The following TCF12 variants were observed in gnomAD, a reference collection of about 807,000 sequenced individuals.
The protein encoded by TCF12 is transcription factor 12, also known as DNA-binding protein HTF4.
A neutral mutation model predicts 86.0 loss-of-function variants in TCF12; 45 were observed. That is an observed-to-expected ratio of 0.52 (90% CI 0.41 to 0.67). TCF12 has a LOEUF of 0.67. Ranked by LOEUF, TCF12 falls within the 30% of genes least tolerant of loss-of-function variation. TCF12 has a pLI of 0.00. For synonymous variants in TCF12, 330 were observed against 299.6 expected, an observed-to-expected ratio of 1.10 and a Z score of -1.05; for missense variants, 881 against 859.9, an observed-to-expected ratio of 1.02 and a Z score of -0.31.
intron 5 of TCF12, among the ~76,000 whole-genome samples, chr15:57,126,757 G>T (rs946700767): frequency 1.3e-5 from 2 of 152,050 alleles, no homozygotes; most frequent in African/African-American, 4.8e-5. Context: ...GTCACAGTGA[G>T]GATCTCTATG....
At position 56,970,350 on chromosome 15, in the gene TCF12, C is replaced by T. The variant is rs184050948; in HGVS notation, c.148+49252C>T. ...CAAAAATTAGCTGGGCATGGTGGCG[C>T]GCACCTGTAGTCCCAGCTACTCGGG... On this transcript the variant is annotated intron_variant, in intron 3 of 20. Transcript: ENST00000333725. 4.1e-3 allele frequency among the ~76,000 whole-genome samples: 621 copies of T among 151,732 alleles called. 5 individuals carry two copies. The highest frequency in any genetic ancestry group is 0.021 in the Admixed American group (327 of 15,230).
intron 3 of TCF12, among the ~76,000 whole-genome samples, chr15:56,952,789 A>C (rs966623444): frequency 2.0e-5 from 3 of 152,174 alleles, no homozygotes; most frequent in Admixed American, 2.0e-4. Context: ...TAATCTTCAT[A>C]AATGGTCATG....
At chr15:57,101,453 T>G (rs2733196) in intron 5 of TCF12, among the ~76,000 whole-genome samples, 2,137 of 152,312 alleles carry the variant, frequency 0.014, 51 homozygotes, top group African/African-American at 0.049. Flanking sequence ...CAAGCGATCC[T>G]CCAGGCTTGG....
chr15:57,118,697 A>G (rs1421361161), intron 5 of TCF12, among the ~76,000 whole-genome samples: 2 of 152,108 alleles, frequency 1.3e-5, no homozygotes, highest in Non-Finnish European at 2.9e-5. Context: ...TAGCCAGTAT[A>G]TTTTCAGATT....
chr15:57,164,338 A>G (rs968565025), intron 5 of TCF12, among the ~76,000 whole-genome samples: 4 of 152,182 alleles, frequency 2.6e-5, no homozygotes, highest in Non-Finnish European at 4.4e-5. Flanking sequence ...TTTATAAAGG[A>G]AAGAGGTTTA....
At chr15:57,058,107 A>T (rs1596329239) in intron 3 of TCF12, among the ~76,000 whole-genome samples, 2 of 152,176 alleles carry the variant, frequency 1.3e-5, no homozygotes, top group South Asian at 4.1e-4. Flanking sequence ...CAAGTCCTCA[A>T]AATACAGTGA....
intron 3 of TCF12, among the ~76,000 whole-genome samples, chr15:57,045,170 T>C (rs1003757565): frequency 6.6e-6 from 1 of 152,216 alleles, no homozygotes; most frequent in Non-Finnish European, 1.5e-5. Flanking sequence ...GTGAGATGTG[T>C]TCCAGACACA....
At chr15:57,253,603 T>A in intron 16 of TCF12, 135 bp downstream of exon 16, 8 of 1,008,854 alleles carry the variant, frequency 7.9e-6, no homozygotes, top group Non-Finnish European at 1.2e-5. Context: ...TTTACTGTCT[T>A]TGGCAGTAAA....
At chr15:57,101,176 C>T (rs1438409495) in intron 5 of TCF12, among the ~76,000 whole-genome samples, 1 of 151,342 alleles carries the variant, frequency 6.6e-6, no homozygotes, top group Non-Finnish European at 1.5e-5. Flanking sequence ...TTTAGGGAGG[C>T]TTTTTTTGGT....
At chr15:57,045,605 G>C (rs145326529) in intron 3 of TCF12, among the ~76,000 whole-genome samples, 1 of 152,068 alleles carries the variant, frequency 6.6e-6, no homozygotes, top group Non-Finnish European at 1.5e-5. Context: ...CAGTACAATG[G>C]CATAATCATG....
intron 8 of TCF12, among the ~76,000 whole-genome samples, chr15:57,208,499 C>T (rs574663850): frequency 9.0e-4 from 133 of 147,400 alleles, no homozygotes; most frequent in Middle Eastern, 3.6e-3. Context: ...CCTCACACCT[C>T]AGCCTCCCGA....
chr15:56,925,240 G>GCCCCCCCCCC (rs11465192), intron 3 of TCF12, among the ~76,000 whole-genome samples: 6 of 136,258 alleles, frequency 4.4e-5, no homozygotes, highest in Non-Finnish European at 7.9e-5. Flanking sequence ...GGTGTCCACC[G>GCCCCCCCCCC]CCCCCCCACC....
chr15:56,951,923 C>G (rs749624219), intron 3 of TCF12, among the ~76,000 whole-genome samples: 6 of 152,160 alleles, frequency 3.9e-5, no homozygotes, highest in Non-Finnish European at 5.9e-5. Flanking sequence ...GCTGGGATTA[C>G]GGGTGCCAGC....
intron 4 of TCF12, among the ~76,000 whole-genome samples, chr15:57,084,355 A>G (rs8023736): frequency 0.24 from 35,752 of 151,994 alleles, 4,829 homozygotes; most frequent in East Asian, 0.4. Context: ...TGGTTTTACA[A>G]TGTGAGCTCT....
intron 5 of TCF12, among the ~76,000 whole-genome samples, chr15:57,144,725 A>G (rs1198860432): frequency 2.6e-5 from 4 of 152,270 alleles, no homozygotes; most frequent in Non-Finnish European, 5.9e-5. Context: ...CAGTCTCCCA[A>G]GTAGCTGGGA....
intron 3 of TCF12, among the ~76,000 whole-genome samples, chr15:56,929,647 G>T (rs1457698051): frequency 6.6e-6 from 1 of 152,078 alleles, no homozygotes; most frequent in African/African-American, 2.4e-5. Flanking sequence ...TTAGAGATTG[G>T]TTACTAATTT....
intron 8 of TCF12, among the ~76,000 whole-genome samples, chr15:57,204,957 CTGTG>C (rs1363263399): frequency 6.6e-6 from 1 of 152,104 alleles, no homozygotes; most frequent in Non-Finnish European, 1.5e-5. Flanking sequence ...GAAAAATACT[CTGTG>C]AGTAGAGTCG....
chr15:57,034,582 TACAC>T (rs879343387), intron 3 of TCF12, among the ~76,000 whole-genome samples: 12 of 152,226 alleles, frequency 7.9e-5, no homozygotes, highest in South Asian at 4.1e-4. Context: ...TTTTTAATGA[TACAC>T]ACATATATGT....
rs112603715 is a variant in TCF12 at position 57,231,391 on chromosome 15, G to A, written c.685+134G>A. 12 of 642,348 alleles carry A rather than the reference G, an allele frequency of 1.9e-5. 1 individual carries two copies. The highest frequency in any genetic ancestry group is 9.2e-5 in the African/African-American group (5 of 54,474). The allele number at this position is 642,348 out of a possible 1,614,324, so 39.8% of individuals were successfully genotyped here. Reference sequence around the variant, plus strand: ...TTTTTTTTGGCTAAATTAAAATTTAGCTTTATAATTTTCCAGTGGTGTTTA... The same window carrying A: ...TTTTTTTTGGCTAAATTAAAATTTAACTTTATAATTTTCCAGTGGTGTTTA... On this transcript the variant is annotated intron_variant, in intron 9 of 20. Transcript: ENST00000333725.
Sources: gnomAD v4.1 joint callset for allele counts (sites outside exome capture counted in the v4.1 genomes callset) on GRCh38, gnomAD v4.1.1 for gene constraint, MANE v1.5 for transcripts, NCBI Gene and HGNC (gene_info 2026-07-23, HGNC 2026-07-21) for gene names.